PARP12: variants seen among roughly 807,000 people sequenced by gnomAD.
PARP12 encodes the protein protein mono-ADP-ribosyltransferase PARP12.
Under a neutral mutation model 72.4 loss-of-function variants are expected in PARP12, and 59 were observed. That is an observed-to-expected ratio of 0.81 (90% CI 0.66 to 1.01). The LOEUF is 1.01. PARP12 is among the 50% of genes least tolerant of loss of function. The pLI is 0.00. For missense variants in PARP12, 851 were observed against 914.0 expected (o/e 0.93, Z 0.89); for synonymous variants, 403 against 371.4 (o/e 1.09, Z -0.98).
intron 4 of PARP12, among the ~76,000 whole-genome samples, chr7:140,049,706 C>T (rs1049089696): frequency 3.3e-5 from 5 of 152,178 alleles, no homozygotes; most frequent in African/African-American, 1.2e-4. Context: ...CTGAGGCTTC[C>T]GTTCTGAAAC....
chr7:140,045,011 C>T (rs1236483478), intron 5 of PARP12, among the ~76,000 whole-genome samples: 2 of 151,422 alleles, frequency 1.3e-5, no homozygotes, highest in African/African-American at 2.4e-5. Flanking sequence ...ATCAGCAATA[C>T]ATACAGTGCA....
At chr7:140,060,745 G>GCT (rs879617764) in intron 1 of PARP12, among the ~76,000 whole-genome samples, 1 of 77,932 alleles carries the variant, frequency 1.3e-5, no homozygotes, top group Non-Finnish European at 2.4e-5. Context: ...GTTGTTCCCT[G>GCT]CTCTCCCCTG....
chr7:140,042,530 C>G (rs975610886), intron 5 of PARP12, among the ~76,000 whole-genome samples: 1 of 152,216 alleles, frequency 6.6e-6, no homozygotes, highest in Non-Finnish European at 1.5e-5. Flanking sequence ...GACAGAGAGC[C>G]TGGGCTTTGG....
At chr7:140,049,722 T>A (rs1404469080) in intron 4 of PARP12, among the ~76,000 whole-genome samples, 1 of 152,184 alleles carries the variant, frequency 6.6e-6, no homozygotes, top group Non-Finnish European at 1.5e-5. Flanking sequence ...GAAACAAAGC[T>A]GAGCTATAGA....
At chr7:140,035,824 T>C (rs1585088197) in intron 7 of PARP12, among the ~76,000 whole-genome samples, 1 of 88,872 alleles carries the variant, frequency 1.1e-5, no homozygotes, top group Admixed American at 1.3e-4. Context: ...TGGATACTGG[T>C]ATCTACCAAA....
chr7:140,027,148 C>G (rs1021825244), intron 10 of PARP12, 128 bp downstream of exon 10: 11 of 1,298,566 alleles, frequency 8.5e-6, no homozygotes, highest in African/African-American at 1.5e-5. Flanking sequence ...AGCAGACACA[C>G]AGCTCCCAGC....
intron 4 of PARP12, among the ~76,000 whole-genome samples, chr7:140,051,672 T>C (rs1186951144): frequency 2.6e-5 from 4 of 152,174 alleles, no homozygotes; most frequent in Non-Finnish European, 5.9e-5. Flanking sequence ...ATTACAGGCA[T>C]GAGCCACCAT....
intron 8 of PARP12, chr7:140,033,970 CTCGCCTTCAGAG>C: frequency 9.3e-7 from 1 of 1,071,536 alleles, no homozygotes; most frequent in Non-Finnish European, 1.1e-6. Context: ...CAAGTCTAGA[CTCGCCTTCAGAG>C]TCTGTCTTCT....
chr7:140,036,150 G>A lies in PARP12; in HGVS notation c.1324+1565C>T, dbSNP rs912769500. 8.2e-4 allele frequency among the ~76,000 whole-genome samples: 125 copies of A among 152,214 alleles called. 4 individuals carry two copies. The highest frequency in any genetic ancestry group is 8.8e-5 in the Non-Finnish European group (6 of 68,034). On this transcript the variant is annotated intron_variant, in intron 7 of 11. Coordinates refer to ENST00000263549, the MANE Select transcript of PARP12 (RefSeq NM_022750.4). ...TGCAGGAATCATAAACTGCACGTGTGTGCTCTTCCCCATCCCTATTATGAG... is the reference window on the plus strand; with the variant it reads ...TGCAGGAATCATAAACTGCACGTGTATGCTCTTCCCCATCCCTATTATGAG...
In PARP12 at chr7:140,029,631, C is replaced by T. The variant is rs117294671; in HGVS notation, c.1422-943G>A. Among the ~76,000 whole-genome samples, 753 of 152,110 alleles carry T rather than the reference C, an allele frequency of 5.0e-3. 3 individuals are homozygous for T. Among genetic ancestry groups the T allele is most frequent in the Middle Eastern group, 0.037 (11 of 294 alleles). On this transcript the variant is annotated intron_variant, in intron 8 of 11. Transcript: ENST00000263549. Reference sequence around the variant, plus strand: ...GAGAGATTACAAAACAATTATTCTTCCTATGTTTAAAGGAAAAAAAAAGAC... The same window carrying T: ...GAGAGATTACAAAACAATTATTCTTTCTATGTTTAAAGGAAAAAAAAAGAC...
chr7:140,030,875 C>T (rs915538427), intron 8 of PARP12, among the ~76,000 whole-genome samples: 1 of 152,084 alleles, frequency 6.6e-6, no homozygotes, highest in Non-Finnish European at 1.5e-5. Flanking sequence ...TCTAATGTGG[C>T]CTGGGAAAGC....
At chr7:140,031,284 G>A (rs1198814882) in intron 8 of PARP12, among the ~76,000 whole-genome samples, 2 of 152,028 alleles carry the variant, frequency 1.3e-5, no homozygotes, top group Non-Finnish European at 2.9e-5. Context: ...GAGGTGGGAG[G>A]ATTGCTTGAG....
chr7:140,035,318 G>A (rs1378440977), intron 7 of PARP12, among the ~76,000 whole-genome samples: 1 of 152,112 alleles, frequency 6.6e-6, no homozygotes, highest in Non-Finnish European at 1.5e-5. Context: ...ATTCTCACTG[G>A]CATATTTAAA....
intron 4 of PARP12, among the ~76,000 whole-genome samples, chr7:140,052,732 TTGTGTGTGTGTGTGTG>T (rs9340762): frequency 4.8e-5 from 7 of 145,706 alleles, no homozygotes; most frequent in African/African-American, 1.5e-4. Context: ...AAGACCCCTT[TTGTGTGTGTGTGTGTG>T]TGTGTGTGTG....
Position 140,046,976 on chromosome 7 carries a change from C to T in PARP12, c.894G>A (p.Pro298=), listed in dbSNP as rs147556524. The change falls in exon 5 of 12, where the codon CCG becomes CCA. Residue 298 remains proline (P), a synonymous_variant. Transcript: ENST00000263549. ...DKCHRVHFHL[P]YRWQFLDRGK... ...CTCTATCCAAGAATTGCCATCGATA[C>T]GGCAAATGGAAATGAACTCTATGGC... is the stretch of plus-strand genomic sequence containing the variant. 1.5e-4 allele frequency: 246 copies of T among 1,613,442 alleles called. 2 individuals are homozygous for T. The highest frequency in any genetic ancestry group is 7.8e-4 in the Admixed American group (47 of 59,900).
In PARP12 at chr7:140,026,298, C is replaced by T. The variant is rs746654429; in HGVS notation, c.1679G>A (p.Arg560Gln). The change falls in exon 11 of 12, where the codon CGG becomes CAG. Residue 560 changes from arginine to glutamine, a missense_variant. By Grantham distance (43) the Arg-to-Gln change is conservative (BLOSUM62 1). Around this residue, in one of 3 missense-constraint regions of PARP12, gnomAD observed 347 missense variants for 396.1 expected, o/e 0.88. Transcript: ENST00000263549. ...GGCGCTGGTGCCGTGGAACAGCTGC[C>T]GCTCGTCCACGGCCTTCCCTCCGTT... ...KQNGGKAVDE[R>Q]QLFHGTSAIF... 43 of 1,613,238 alleles carry T rather than the reference C, an allele frequency of 2.7e-5. No homozygotes were observed. Among genetic ancestry groups the T allele is most frequent in the Non-Finnish European group, 3.6e-5 (42 of 1,180,032 alleles).
chr7:140,037,839 C>T lies in PARP12; in HGVS notation c.1200G>A (p.Val400=). The stretch of plus-strand genomic sequence containing the variant: ...CCACGTCGCTACTGCTGACAGTGGT[C>T]ACAGGGTGCACCGTGCCCTGCGATG... ...EYGRQGTVHP[V]TTVSSSDVEK... The change falls in exon 7 of 12, where the codon GTG becomes GTA. Residue 400 remains valine (V), a synonymous_variant. Coordinates refer to ENST00000263549, the MANE Select transcript of PARP12 (RefSeq NM_022750.4). The T allele has an allele frequency of 6.2e-7, 1 of 1,611,354 alleles. No homozygotes were observed. Among genetic ancestry groups the T allele is most frequent in the Admixed American group, 1.7e-5 (1 of 59,978 alleles).
intron 3 of PARP12, 118 bp downstream of exon 3, chr7:140,056,738 C>T (rs1319391013): frequency 5.7e-6 from 6 of 1,056,158 alleles, no homozygotes; most frequent in Non-Finnish European, 8.2e-6. Flanking sequence ...TTACTAAAAG[C>T]AGCACCAGAC....
At chr7:140,045,636 A>C (rs1394464688) in intron 5 of PARP12, among the ~76,000 whole-genome samples, 5 of 152,252 alleles carry the variant, frequency 3.3e-5, no homozygotes, top group Admixed American at 6.5e-5. Flanking sequence ...TTTCCAGAGC[A>C]GCCACTGAAA....
Sources: allele counts gnomAD v4.1 joint callset (sites outside exome capture counted in the v4.1 genomes callset), GRCh38; gene constraint gnomAD v4.1.1; regional missense constraint gnomAD v4.1.1; transcripts MANE v1.5; gene names NCBI Gene and HGNC (gene_info 2026-07-23, HGNC 2026-07-21).